ACKR2: variants seen among roughly 807,000 people sequenced by gnomAD.
ACKR2 encodes atypical chemokine receptor 2, also known as C-C chemokine receptor D6.
For missense variants in ACKR2, 457 were observed against 477.3 expected, an observed-to-expected ratio of 0.96 and a Z score of 0.40; for synonymous variants, 207 against 192.2, an observed-to-expected ratio of 1.08 and a Z score of -0.64.
chr3:42,864,612 G>A lies in ACKR2; in HGVS notation c.110G>A (p.Arg37Lys), dbSNP rs1204888735. 1.4e-5 allele frequency: 22 copies of A among 1,614,066 alleles called. No individual in the cohort carries two copies. The highest frequency in any genetic ancestry group is 1.7e-5 in the Non-Finnish European group (20 of 1,180,034). ...YLDEVAFMLCRKDAVVSFGKV... is the reference protein window; with the variant it reads ...YLDEVAFMLCKKDAVVSFGKV... ...GATGAAGTGGCCTTCATGCTCTGCA[G>A]GAAGGATGCAGTGGTGTCCTTTGGC... Residue 37 changes from arginine to lysine, a missense_variant, in exon 3 of 3, where the codon AGG becomes AAG. Arg to Lys is a conservative substitution (Grantham distance 26, BLOSUM62 2). Transcript: ENST00000422265.
chr3:42,845,189 G>A (rs1701080632), intron 2 of ACKR2, among the ~76,000 whole-genome samples: 1 of 152,170 alleles, frequency 6.6e-6, no homozygotes, highest in Non-Finnish European at 1.5e-5. Context: ...CTTCCCTGCT[G>A]CCTCTTACCT....
chr3:42,838,395 A>G (rs1701004742), intron 2 of ACKR2, among the ~76,000 whole-genome samples: 1 of 152,216 alleles, frequency 6.6e-6, no homozygotes, highest in South Asian at 2.1e-4. Flanking sequence ...TATGTGAAAA[A>G]ACACTTTCAT....
In ACKR2 at chr3:42,852,810, AC is replaced by A. The variant is rs1460208803; in HGVS notation, c.-37-11655del. Among the ~76,000 whole-genome samples, 1 of 152,040 alleles carries A rather than the reference AC, an allele frequency of 6.6e-6. No homozygotes were observed. The highest frequency in any genetic ancestry group is 6.6e-5 in the Admixed American group (1 of 15,248). On this transcript the variant is annotated intron_variant, in intron 2 of 2. Transcript: ENST00000422265. The surrounding 1 kb of genome is among the most constrained non-coding windows in gnomAD (Gnocchi z 4.3). ...TTTTTGGCCTCTTTTCTATTTTTCC[AC>A]TGTATTTCCACATTTTACATTGAAT...
At chr3:42,833,112 C>A (rs1397550758) in intron 2 of ACKR2, among the ~76,000 whole-genome samples, 2 of 152,214 alleles carry the variant, frequency 1.3e-5, no homozygotes, top group Non-Finnish European at 2.9e-5. Flanking sequence ...GATCTGCCCG[C>A]CTTGGCCTCC....
At chr3:42,810,310 TG>T (rs1295708189) in intron 1 of ACKR2, among the ~76,000 whole-genome samples, 1 of 152,224 alleles carries the variant, frequency 6.6e-6, no homozygotes, top group Non-Finnish European at 1.5e-5. Flanking sequence ...TTGTTGAAAT[TG>T]TTTAAAAAGA....
intron 2 of ACKR2, 27 bp from the exon 3 acceptor site, chr3:42,864,439 A>G: frequency 6.5e-7 from 1 of 1,527,730 alleles, no homozygotes; most frequent in Non-Finnish European, 8.8e-7. Flanking sequence ...AGAGAATGCT[A>G]GGTCTCACCA....
At chr3:42,857,147 T>C (rs1469803422) in intron 2 of ACKR2, among the ~76,000 whole-genome samples, 2 of 152,084 alleles carry the variant, frequency 1.3e-5, no homozygotes, top group Non-Finnish European at 2.9e-5. Context: ...TATGCCTTCC[T>C]GTCATCTATT....
At chr3:42,823,785 T>C (rs1700834636) in intron 2 of ACKR2, among the ~76,000 whole-genome samples, 1 of 152,244 alleles carries the variant, frequency 6.6e-6, no homozygotes, top group Admixed American at 6.5e-5. Flanking sequence ...TCTGCTTTTC[T>C]CCCTTAACTT....
At chr3:42,818,258 C>T (rs1167397026) in intron 1 of ACKR2, among the ~76,000 whole-genome samples, 1 of 152,218 alleles carries the variant, frequency 6.6e-6, no homozygotes, top group Non-Finnish European at 1.5e-5. Context: ...CCTAAATTCC[C>T]TGACGTGTTT....
chr3:42,865,717 A>T lies in ACKR2; in HGVS notation c.*60A>T. On this transcript the variant is annotated 3_prime_UTR_variant, in exon 3 of 3. Transcript: ENST00000422265. ...AACCAGCTCAATTGGGTGTCCACTC[A>T]AAGTGCTCTCTCCAGGGGCCTCAGT... is the stretch of plus-strand genomic sequence containing the variant. 2 of 1,388,142 alleles carry T rather than the reference A, an allele frequency of 1.4e-6. No homozygotes were observed. The highest frequency in any genetic ancestry group is 2.0e-6 in the Non-Finnish European group (2 of 1,006,452). 86.0% of individuals were successfully genotyped at this position (1,388,142 alleles called of 1,614,324 possible).
intron 1 of ACKR2, among the ~76,000 whole-genome samples, chr3:42,809,818 C>T (rs974252835): frequency 2.6e-5 from 4 of 151,242 alleles, no homozygotes; most frequent in South Asian, 2.1e-4. Context: ...CCCGAGATCG[C>T]GCCACTGTAC....
rs553287167 is a variant in ACKR2, at chr3:42,832,463, T to G, written c.-38+12752T>G. 1.3e-4 allele frequency among the ~76,000 whole-genome samples: 19 copies of G among 151,272 alleles called. No homozygotes were observed. The East Asian group carries it at 2.3e-3, about 19-fold the overall frequency. ...GAGATTGCGCCACTGCACTCCAGCC[T>G]GGGTGACTGGGCAACAGAGCAATAC... is the stretch of plus-strand genomic sequence containing the variant. On this transcript the variant is annotated intron_variant, in intron 2 of 2. Coordinates refer to ENST00000422265, the MANE Select transcript of ACKR2 (RefSeq NM_001296.5).
intron 1 of ACKR2, among the ~76,000 whole-genome samples, chr3:42,815,681 G>C (rs887201188): frequency 2.6e-5 from 4 of 152,154 alleles, no homozygotes; most frequent in African/African-American, 9.7e-5. Context: ...AAATCTATCA[G>C]GTGTTTTATA....
chr3:42,847,825 A>T (rs1468771977), intron 2 of ACKR2, among the ~76,000 whole-genome samples: 3 of 152,158 alleles, frequency 2.0e-5, no homozygotes, highest in African/African-American at 7.2e-5. Context: ...CTGTGGAATT[A>T]GGACTGACTC....
intron 2 of ACKR2, among the ~76,000 whole-genome samples, chr3:42,833,391 G>A (rs1700952127): frequency 6.6e-6 from 1 of 151,920 alleles, no homozygotes; most frequent in South Asian, 2.1e-4. Context: ...TATTTCAATA[G>A]GTTTTGGGGG....
At chr3:42,833,111 G>A (rs1314305058) in intron 2 of ACKR2, among the ~76,000 whole-genome samples, 6 of 152,130 alleles carry the variant, frequency 3.9e-5, no homozygotes, top group African/African-American at 1.2e-4. Context: ...CGATCTGCCC[G>A]CCTTGGCCTC....
intron 2 of ACKR2, among the ~76,000 whole-genome samples, chr3:42,848,213 A>AAT (rs1491344656): frequency 2.7e-5 from 2 of 74,920 alleles, no homozygotes; most frequent in Admixed American, 2.0e-4. Flanking sequence ...AAAAAAAAAA[A>AAT]TTTTTTTTTT....
rs2088430807 is a variant in ACKR2, at chr3:42,865,873, ATCTT to A, written c.*221_*224del. On this transcript the variant is annotated 3_prime_UTR_variant, in exon 3 of 3. Transcript: ENST00000422265. Reference sequence around the variant, plus strand: ...ACGCTTTCTTTTCTGAATTGCTACAATCTTTCTTCCTTCCTTCCTTGCTTCCTTC... The same window carrying A: ...ACGCTTTCTTTTCTGAATTGCTACAATCTTCCTTCCTTCCTTGCTTCCTTC... 2.0e-6 allele frequency: 1 copy of A among 509,976 alleles called. No individual in the cohort carries two copies. The highest frequency in any genetic ancestry group is 3.3e-5 in the South Asian group (1 of 30,010). The allele number at this position is 509,976 out of a possible 1,614,324, so 31.6% of individuals were successfully genotyped here. A position where few individuals can be genotyped will look rare whatever the true frequency, so the allele number is the denominator to read the frequency against.
intron 2 of ACKR2, 40 bp from the exon 3 acceptor site, chr3:42,864,426 G>T: frequency 6.6e-7 from 1 of 1,510,828 alleles, no homozygotes. Context: ...TTTAGAGAAA[G>T]GTAGAGAATG....
Sources: allele counts gnomAD v4.1 joint callset (sites outside exome capture counted in the v4.1 genomes callset), GRCh38; gene constraint gnomAD v4.1.1; non-coding constraint Gnocchi (gnomAD v3.1); transcripts MANE v1.5; gene names NCBI Gene and HGNC (gene_info 2026-07-23, HGNC 2026-07-21).